Variants in PCNX1 observed in about 807,000 individuals in gnomAD.
PCNX1 encodes the protein pecanex-like protein 1.
PCNX1 carries 78 observed loss-of-function variants against 242.2 expected under a neutral mutation model. That is an observed-to-expected ratio of 0.32 (90% confidence interval 0.27 to 0.39). The LOEUF is 0.39. Among genes scored for constraint, PCNX1 ranks in the 10% least tolerant of loss-of-function variants. The pLI is 1.00. For synonymous variants in PCNX1, 1,024 were observed against 1,032.9 expected, an observed-to-expected ratio of 0.99 and a Z score of 0.17; for missense variants, 2,581 against 2,856.5, an observed-to-expected ratio of 0.90 and a Z score of 2.20.
chr14:70,961,100 T>G (rs2058194763), intron 2 of PCNX1, among the ~76,000 whole-genome samples: 1 of 152,146 alleles, frequency 6.6e-6, no homozygotes, highest in Non-Finnish European at 1.5e-5. Context: ...CCAAGGTAAT[T>G]TATAGATTCA....
chr14:70,968,957 G>A, intron 4 of PCNX1, 64 bp from the exon 5 acceptor site: 1 of 906,862 alleles, frequency 1.1e-6, no homozygotes, highest in South Asian at 1.3e-5. Context: ...ATACTCCTTG[G>A]TTATGCCACC....
intron 1 of PCNX1, among the ~76,000 whole-genome samples, chr14:70,943,447 C>A (rs774877424): frequency 6.6e-5 from 10 of 152,130 alleles, no homozygotes; most frequent in African/African-American, 2.2e-4. Context: ...AAGAGACTGG[C>A]GGCATTTTGC....
intron 22 of PCNX1, chr14:71,049,072 C>CAT (rs1595371948): frequency 2.1e-6 from 2 of 930,998 alleles, no homozygotes. Flanking sequence ...CCCACAAACT[C>CAT]AAATATTTAG....
At chr14:71,061,951 C>T (rs1244169335) in intron 26 of PCNX1, among the ~76,000 whole-genome samples, 1 of 152,022 alleles carries the variant, frequency 6.6e-6, no homozygotes, top group African/African-American at 2.4e-5. Context: ...AGAAAATTCA[C>T]AGTGAAGGGT....
At chr14:71,042,549 A>G (rs904202104) in intron 19 of PCNX1, among the ~76,000 whole-genome samples, 3 of 151,476 alleles carry the variant, frequency 2.0e-5, no homozygotes, top group Admixed American at 6.6e-5. Context: ...CTTTCAATCT[A>G]TGTGTGTGTT....
At chr14:70,917,995 A>C (rs575857756) in intron 1 of PCNX1, among the ~76,000 whole-genome samples, 12 of 152,264 alleles carry the variant, frequency 7.9e-5, no homozygotes, top group African/African-American at 2.6e-4. Flanking sequence ...TCATGAACCA[A>C]CTTCTGCTAG....
rs2059057458 is a variant in PCNX1, at chr14:70,988,301, TAGGAAATTGAGGTTGAAG to T, written c.2312-263_2312-246del. Among the ~76,000 whole-genome samples the T allele has an allele frequency of 2.0e-5, 3 of 152,068 alleles. No homozygotes were observed. The South Asian group carries it at 6.2e-4, about 32-fold the overall frequency. Reference sequence around the variant, plus strand: ...ATTTAAACAACAGAGATCTTAAAAATAGGAAATTGAGGTTGAAGAGAAGATGGCAAGGCTAGATAATAA... The same window carrying T: ...ATTTAAACAACAGAGATCTTAAAAATAGAAGATGGCAAGGCTAGATAATAA... On this transcript the variant is annotated intron_variant, in intron 6 of 35. Coordinates refer to ENST00000304743, the MANE Select transcript of PCNX1 (RefSeq NM_014982.3).
intron 2 of PCNX1, among the ~76,000 whole-genome samples, chr14:70,949,919 T>A (rs927143228): frequency 2.0e-5 from 3 of 152,220 alleles, no homozygotes; most frequent in African/African-American, 4.8e-5. Flanking sequence ...GATTTACAGA[T>A]GTGGAAACCA....
intron 7 of PCNX1, among the ~76,000 whole-genome samples, chr14:70,994,423 A>ATATATATATGTATG (rs2059278936): frequency 2.0e-5 from 2 of 98,536 alleles, no homozygotes; most frequent in African/African-American, 7.5e-5. Context: ...ATATATATAT[A>ATATATATATGTATG]TATATATGTA....
intron 28 of PCNX1, among the ~76,000 whole-genome samples, chr14:71,088,000 A>G (rs955552383): frequency 6.6e-6 from 1 of 152,122 alleles, no homozygotes; most frequent in African/African-American, 2.4e-5. Context: ...ATAGATAGAA[A>G]TATTGTATTT....
Position 71,094,105 on chromosome 14 carries a change from T to TTAA in PCNX1, c.5589+4763_5589+4764insTAA, listed in dbSNP as rs142890436. Among the ~76,000 whole-genome samples the TTAA allele has an allele frequency of 8.0e-3, 1,211 of 152,310 alleles. 7 individuals carry two copies. The highest frequency in any genetic ancestry group is 0.024 in the Middle Eastern group (7 of 294). On this transcript the variant is annotated intron_variant, in intron 30 of 35. Transcript: ENST00000304743. ...TATTCCAGGGTCAACTCTATATGTC[T>TTAA]ACATAAAGACTTAAACACAAATGTT...
intron 5 of PCNX1, among the ~76,000 whole-genome samples, chr14:70,974,724 A>G (rs1230010705): frequency 1.3e-5 from 2 of 152,242 alleles, no homozygotes; most frequent in African/African-American, 2.4e-5. Context: ...TAAGAAGGTT[A>G]CACCAGTTGG....
At chr14:71,062,437 AT>A (rs1472395377) in intron 26 of PCNX1, among the ~76,000 whole-genome samples, 2 of 151,856 alleles carry the variant, frequency 1.3e-5, no homozygotes, top group Admixed American at 6.6e-5. Flanking sequence ...TTCTAAACAA[AT>A]TTTTAAAAGT....
At chr14:71,070,099 A>C (rs540844459) in intron 26 of PCNX1, among the ~76,000 whole-genome samples, 3 of 152,314 alleles carry the variant, frequency 2.0e-5, no homozygotes, top group East Asian at 3.9e-4. Context: ...TCTTCTCAAG[A>C]AACTGCTTTC....
At chr14:70,931,913 C>T (rs767105641) in intron 1 of PCNX1, among the ~76,000 whole-genome samples, 10 of 152,154 alleles carry the variant, frequency 6.6e-5, no homozygotes, top group Non-Finnish European at 1.0e-4. Flanking sequence ...CGCCTGAGGT[C>T]GGGAGTTCCA....
chr14:70,909,862 G>A (rs1434761069), intron 1 of PCNX1, among the ~76,000 whole-genome samples: 9 of 152,174 alleles, frequency 5.9e-5, no homozygotes. Context: ...TTCTTAATCA[G>A]TTCAGACCTT....
At chr14:70,961,912 A>G (rs1239167536) in intron 2 of PCNX1, among the ~76,000 whole-genome samples, 1 of 152,054 alleles carries the variant, frequency 6.6e-6, no homozygotes, top group African/African-American at 2.4e-5. Flanking sequence ...GAGTGGTTTG[A>G]TGGCACGTAT....
At chr14:70,934,409 G>A (rs2056919675) in intron 1 of PCNX1, among the ~76,000 whole-genome samples, 1 of 152,050 alleles carries the variant, frequency 6.6e-6, no homozygotes, top group East Asian at 1.9e-4. Context: ...AAAAATTGTG[G>A]TAAAAACACA....
intron 1 of PCNX1, among the ~76,000 whole-genome samples, chr14:70,915,412 A>T (rs915101744): frequency 6.6e-6 from 1 of 152,204 alleles, no homozygotes; most frequent in Non-Finnish European, 1.5e-5. Flanking sequence ...GCCATTGGTA[A>T]TTCCATCACC....
Sources: allele counts gnomAD v4.1 joint callset (sites outside exome capture counted in the v4.1 genomes callset), GRCh38; gene constraint gnomAD v4.1.1; transcripts MANE v1.5; gene names NCBI Gene and HGNC (gene_info 2026-07-23, HGNC 2026-07-21).